Variants in TMEM204 observed in about 807,000 individuals in gnomAD.
The protein encoded by TMEM204 is transmembrane protein 204.
A neutral mutation model predicts 19.4 loss-of-function variants in TMEM204; 15 were observed. The observed-to-expected ratio is 0.77, with a 90% CI of 0.52 to 1.19. The LOEUF is 1.19. TMEM204 is among the 50% of genes most tolerant of loss of function. The pLI is 0.00. For missense variants in TMEM204, 287 were observed against 321.2 expected (o/e 0.89, Z 0.81); for synonymous variants, 161 against 146.0 (o/e 1.10, Z -0.74).
At chr16:1,543,966 T>C (rs1428307825) in intron 2 of TMEM204, among the ~76,000 whole-genome samples, 1 of 152,214 alleles carries the variant, frequency 6.6e-6, no homozygotes, top group Non-Finnish European at 1.5e-5. Flanking sequence ...GCAATAGTTT[T>C]TGATTCTGAA....
At chr16:1,529,075 T>TA (rs201951074), upstream of TMEM204, among the ~76,000 whole-genome samples, 433 of 152,280 alleles carry the variant, frequency 2.8e-3, 1 homozygote, top group Middle Eastern at 0.014. Context: ...GTGGTGTCTG[T>TA]GGCTGCAACG....
At chr16:1,533,191 C>T (rs903305325), upstream of TMEM204, 2 of 152,528 alleles carry the variant, frequency 1.3e-5, no homozygotes, top group African/African-American at 4.8e-5. This position sits in a 1 kb window ranked among gnomAD's most constrained non-coding sequence, Gnocchi z 4.7. Context: ...CTTGCTCCCT[C>T]CAGGCACACG....
chr16:1,554,052 G>A, intron 2 of TMEM204: 1 of 1,287,204 alleles, frequency 7.8e-7, no homozygotes, highest in Non-Finnish European at 1.0e-6. Context: ...TGGAAAGAGA[G>A]GGGAAAGCAT....
At chr16:1,529,620 C>A (rs1189656507), upstream of TMEM204, among the ~76,000 whole-genome samples, 2 of 152,242 alleles carry the variant, frequency 1.3e-5, no homozygotes, top group African/African-American at 4.8e-5. Context: ...GGCTGTGCTG[C>A]CCTCGGTCCT....
chr16:1,550,066 T>C (rs1216203532), intron 2 of TMEM204, among the ~76,000 whole-genome samples: 1 of 152,152 alleles, frequency 6.6e-6, no homozygotes, highest in Non-Finnish European at 1.5e-5. Flanking sequence ...GCCTCCTGAA[T>C]AGCTGAGGCT....
upstream of TMEM204, among the ~76,000 whole-genome samples, chr16:1,530,133 C>CTTTTTTTTTTTTTTTTTTTT (rs922819138): frequency 4.2e-4 from 37 of 88,584 alleles, 2 homozygotes; most frequent in African/African-American, 1.3e-3. Flanking sequence ...CGACGGGAAT[C>CTTTTTTTTTTTTTTTTTTTT]TTTTTTTTTT....
In TMEM204 at chr16:1,533,973, C is replaced by G. The variant is rs1350333742; in HGVS notation, c.-303C>G. The stretch of plus-strand genomic sequence containing the variant: ...GCGCGGCACAGGCCGGCCTCCGCTT[C>G]CCGGGAAGACGGCGCACTCCTGGCC... On this transcript the variant is annotated 5_prime_UTR_variant, in exon 1 of 3. Coordinates refer to ENST00000566264, the MANE Select transcript of TMEM204 (RefSeq NM_024600.6). The surrounding 1 kb of genome is among the most constrained non-coding windows in gnomAD (Gnocchi z 4.7). 1 of 445,196 alleles carries G rather than the reference C, an allele frequency of 2.2e-6. No individual in the cohort carries two copies. Among genetic ancestry groups the G allele is most frequent in the Non-Finnish European group, 4.0e-6 (1 of 251,428 alleles). 27.6% of individuals were successfully genotyped at this position (445,196 alleles called of 1,614,324 possible).
rs755922318 is a variant in TMEM204 at position 1,542,093 on chromosome 16, GTGTGGCCACCGCGCCCTTGCCCCC to G, written c.436+25_436+48del. ...AACTGGCGAGTAAGTACCTGGGCGG[GTGTGGCCACCGCGCCCTTGCCCCC>G]TGTGGCCTTCTGGTGCCACAGGAGG... On this transcript the variant is annotated intron_variant, in intron 2 of 2. Transcript: ENST00000566264. The G allele has an allele frequency of 8.6e-5, 136 of 1,584,854 alleles. No homozygotes were observed. The highest frequency in any genetic ancestry group is 1.1e-4 in the Non-Finnish European group (130 of 1,166,878).
intron 2 of TMEM204, among the ~76,000 whole-genome samples, chr16:1,546,332 G>A (rs1236525293): frequency 1.3e-5 from 2 of 152,194 alleles, no homozygotes; most frequent in African/African-American, 4.8e-5. Context: ...GAGCCCTCAG[G>A]TGTTTCCCAG....
chr16:1,534,034 G>A lies in TMEM204; in HGVS notation c.-242G>A, dbSNP rs2030791010. On this transcript the variant is annotated 5_prime_UTR_variant, in exon 1 of 3. Coordinates refer to ENST00000566264, the MANE Select transcript of TMEM204 (RefSeq NM_024600.6). ...GCTGCTGCCCACCCTCTGCTCCCTG[G>A]GATGGGCCCCGAGGCGAGCAGCTTC... 23 of 532,420 alleles carry A rather than the reference G, an allele frequency of 4.3e-5. No homozygotes were observed. The South Asian group carries it at 5.7e-4, about 13-fold the overall frequency. The allele number at this position is 532,420 out of a possible 1,614,324, so 33.0% of individuals were successfully genotyped here.
rs1161350351 is a variant in TMEM204, at chr16:1,555,110, T to A, written c.*84T>A. ...CAAGGGACTCCACCACCAAGTCACT[T>A]CCCCTGCTCGTGCAGAGGCACGGGA... On this transcript the variant is annotated 3_prime_UTR_variant, in exon 3 of 3. Coordinates refer to ENST00000566264, the MANE Select transcript of TMEM204 (RefSeq NM_024600.6). 1.3e-6 allele frequency: 2 copies of A among 1,510,066 alleles called. No individual in the cohort carries two copies. Among genetic ancestry groups the A allele is most frequent in the African/African-American group, 2.7e-5 (2 of 72,878 alleles). The allele number at this position is 1,510,066 out of a possible 1,614,324, so 93.5% of individuals were successfully genotyped here. A position where few individuals can be genotyped will look rare whatever the true frequency, so the allele number is the denominator to read the frequency against.
At chr16:1,537,499 G>A (rs978609092) in intron 1 of TMEM204, among the ~76,000 whole-genome samples, 11 of 152,246 alleles carry the variant, frequency 7.2e-5, no homozygotes, top group African/African-American at 2.7e-4. Flanking sequence ...GCCCGGTCTC[G>A]ACTTCATCCA....
chr16:1,554,963 C>T lies in TMEM204; in HGVS notation c.618C>T (p.Ser206=), dbSNP rs760263960. 3.1e-6 allele frequency: 5 copies of T among 1,614,030 alleles called. No individual in the cohort carries two copies. In the East Asian group the frequency reaches 8.9e-5, roughly 29 times the overall value. ...TGGCCCCCCGGGTGATTGTCATCAG[C>T]CGCTCCCTGACAGCGCGCTTTCGCC... ...DCMAPRVIVI[S]RSLTARFRRG... The change falls in exon 3 of 3, where the codon AGC becomes AGT. Residue 206 remains serine, a synonymous_variant. Transcript: ENST00000566264.
chr16:1,537,785 C>T (rs992935668), intron 1 of TMEM204, among the ~76,000 whole-genome samples: 5 of 152,214 alleles, frequency 3.3e-5, no homozygotes, highest in African/African-American at 1.2e-4. Context: ...GATTGAATCT[C>T]GAGGCAGGCG....
At position 1,540,919 on chromosome 16, in the gene TMEM204, G is replaced by C; in HGVS notation, c.281-1002G>C. Reference sequence around the variant, plus strand: ...CTGACTCCAGGCTGAGTGTCTGTCAGCACACACATTGTCTGCTCTGCAGCG... The same window carrying C: ...CTGACTCCAGGCTGAGTGTCTGTCACCACACACATTGTCTGCTCTGCAGCG... On this transcript the variant is annotated intron_variant, in intron 1 of 2. Coordinates refer to ENST00000566264, the MANE Select transcript of TMEM204 (RefSeq NM_024600.6). The C allele has an allele frequency of 3.0e-6, 3 of 985,426 alleles. No homozygotes were observed. In the South Asian group the frequency reaches 1.4e-4, roughly 46 times the overall value. The allele number at this position is 985,426 out of a possible 1,614,324, so 61.0% of individuals were successfully genotyped here.
chr16:1,529,655 A>T (rs2030227928), upstream of TMEM204, among the ~76,000 whole-genome samples: 1 of 152,238 alleles, frequency 6.6e-6, no homozygotes, highest in Non-Finnish European at 1.5e-5. Flanking sequence ...AGGAAGTCAC[A>T]TCTTTACAAT....
At chr16:1,546,499 C>A (rs1180633408) in intron 2 of TMEM204, among the ~76,000 whole-genome samples, 2 of 152,222 alleles carry the variant, frequency 1.3e-5, no homozygotes, top group Non-Finnish European at 2.9e-5. Context: ...CAGATGTGCC[C>A]TCGTCAGCAA....
chr16:1,554,291 G>C (rs1458732575), intron 2 of TMEM204, among the ~76,000 whole-genome samples: 1 of 152,246 alleles, frequency 6.6e-6, no homozygotes, highest in East Asian at 1.9e-4. Context: ...AAACTGACCT[G>C]TTTCCAGATA....
chr16:1,542,220 C>T (rs762523489), intron 2 of TMEM204, 144 bp downstream of exon 2: 23 of 877,970 alleles, frequency 2.6e-5, no homozygotes, highest in Non-Finnish European at 3.1e-5. Context: ...TGAGAAGCCC[C>T]ATGGGGCATC....
Sources: allele counts gnomAD v4.1 joint callset (sites outside exome capture counted in the v4.1 genomes callset), GRCh38; gene constraint gnomAD v4.1.1; non-coding constraint Gnocchi (gnomAD v3.1); transcripts MANE v1.5; gene names NCBI Gene and HGNC (gene_info 2026-07-23, HGNC 2026-07-21).